The following NECTIN3 variants were observed in gnomAD, a reference collection of about 807,000 sequenced individuals.
The protein encoded by NECTIN3 is nectin-3.
A neutral mutation model predicts 49.4 loss-of-function variants in NECTIN3; 8 were observed. That is an observed-to-expected ratio of 0.16 (90% confidence interval 0.10 to 0.29). The LOEUF (loss-of-function observed/expected upper bound fraction) is 0.29. NECTIN3 is among the 10% of genes least tolerant of loss of function. NECTIN3 has a pLI of 1.00. For missense variants in NECTIN3, 581 were observed against 654.6 expected (o/e 0.89, Z 1.23); for synonymous variants, 277 against 241.1 (o/e 1.15, Z -1.38).
chr3:111,085,828 C>A (rs145774781), intron 1 of NECTIN3, among the ~76,000 whole-genome samples: 70 of 152,028 alleles, frequency 4.6e-4, no homozygotes, highest in African/African-American at 1.7e-3. Context: ...CTGCTGTGAA[C>A]ATCATCGTGC....
At chr3:111,080,039 G>T (rs72935984) in intron 1 of NECTIN3, among the ~76,000 whole-genome samples, 5,943 of 151,948 alleles carry the variant, frequency 0.039, 391 homozygotes, top group African/African-American at 0.13. Context: ...TTTTAAACTG[G>T]TATAGACCCT....
chr3:111,086,177 A>T (rs559325119), intron 1 of NECTIN3, among the ~76,000 whole-genome samples: 7 of 152,068 alleles, frequency 4.6e-5, no homozygotes, highest in African/African-American at 1.4e-4. Context: ...GGAATTGTTT[A>T]TATTTGCTAA....
chr3:111,139,535 A>AT (rs1353914918), downstream of NECTIN3, among the ~76,000 whole-genome samples: 2 of 151,752 alleles, frequency 1.3e-5, no homozygotes, highest in East Asian at 3.9e-4. Context: ...AAGTGGTGCT[A>AT]TGTCTTTCCA....
intron 1 of NECTIN3, among the ~76,000 whole-genome samples, chr3:111,107,994 GAGT>G (rs1376969924): frequency 1.5e-4 from 23 of 152,224 alleles, no homozygotes; most frequent in Middle Eastern, 6.8e-3. Context: ...AATACTAGAA[GAGT>G]AGTACAACGC....
chr3:111,158,640 A>G (rs2035147014), intron 7 of NECTIN3, among the ~76,000 whole-genome samples: 1 of 152,152 alleles, frequency 6.6e-6, no homozygotes, highest in South Asian at 2.1e-4. Context: ...TCCCATTGAG[A>G]TATGAACTGC....
intron 7 of NECTIN3, among the ~76,000 whole-genome samples, chr3:111,170,330 G>T (rs771076054): frequency 2.6e-5 from 4 of 152,140 alleles, no homozygotes; most frequent in Non-Finnish European, 5.9e-5. Context: ...GGTAGGCATT[G>T]TTACAAGCAC....
intron 1 of NECTIN3, among the ~76,000 whole-genome samples, chr3:111,104,501 G>A (rs779459690): frequency 3.0e-4 from 45 of 151,420 alleles, no homozygotes; most frequent in Middle Eastern, 6.8e-3. Context: ...TTTATTTTTC[G>A]TAGAGATGGG....
At chr3:111,101,342 T>C (rs1172734475) in intron 1 of NECTIN3, among the ~76,000 whole-genome samples, 1 of 152,156 alleles carries the variant, frequency 6.6e-6, no homozygotes, top group Non-Finnish European at 1.5e-5. Context: ...AGCCTGAAAT[T>C]GCTACTTAAA....
At chr3:111,170,846 G>T (rs1452271324) in intron 7 of NECTIN3, among the ~76,000 whole-genome samples, 1 of 152,100 alleles carries the variant, frequency 6.6e-6, no homozygotes, top group Admixed American at 6.6e-5. Flanking sequence ...ATGAGGAAGT[G>T]GACAGATGGG....
chr3:111,175,328 G>A (rs374242949), intron 7 of NECTIN3, among the ~76,000 whole-genome samples: 23 of 151,676 alleles, frequency 1.5e-4, no homozygotes, highest in Non-Finnish European at 2.1e-4. Flanking sequence ...ATTTAGGGCC[G>A]CTGGTCTCCA....
At chr3:111,181,092 T>TCCACCATCAGTATCACCACTACCA (rs2035619881) in intron 7 of NECTIN3, among the ~76,000 whole-genome samples, 1 of 152,148 alleles carries the variant, frequency 6.6e-6, no homozygotes, top group Admixed American at 6.5e-5. Context: ...ATGTATACCC[T>TCCACCATCAGTATCACCACTACCA]CCACCATCAG....
At chr3:111,183,728 A>G (rs768292822) in intron 7 of NECTIN3, among the ~76,000 whole-genome samples, 1 of 151,932 alleles carries the variant, frequency 6.6e-6, no homozygotes. Context: ...GAAGCCAGTG[A>G]TAATGCTTTA....
At chr3:111,154,877 C>G (rs1397858630) in intron 7 of NECTIN3, among the ~76,000 whole-genome samples, 3 of 152,174 alleles carry the variant, frequency 2.0e-5, no homozygotes, top group East Asian at 3.9e-4. Flanking sequence ...ATTTTAGATA[C>G]AAGTCCTTTG....
upstream of NECTIN3, among the ~76,000 whole-genome samples, chr3:111,188,684 A>G (rs1056772640): frequency 1.3e-5 from 2 of 152,220 alleles, no homozygotes; most frequent in Admixed American, 1.3e-4. Flanking sequence ...GTTCCCAAAT[A>G]CTATTAACTT....
intron 7 of NECTIN3, among the ~76,000 whole-genome samples, chr3:111,170,245 C>T (rs190213656): frequency 5.5e-4 from 84 of 152,106 alleles, no homozygotes; most frequent in Non-Finnish European, 9.9e-4. Flanking sequence ...ATTAGGTTGG[C>T]GATAAAAAGT....
chr3:111,164,574 G>A (rs1053089468), intron 7 of NECTIN3, among the ~76,000 whole-genome samples: 1 of 152,150 alleles, frequency 6.6e-6, no homozygotes, highest in Non-Finnish European at 1.5e-5. Context: ...CCCAAATCAA[G>A]GTGTTGGCAA....
rs973070624 is a variant in NECTIN3, at chr3:111,118,809, C to A, written c.656C>A (p.Ser219Tyr). Residue 219 changes from serine to tyrosine, a missense_variant, in exon 3 of 6, where the codon TCT (serine) becomes TAT (tyrosine). Ser to Tyr is a moderately radical substitution (Grantham distance 144). This residue lies in a region of NECTIN3 where 234 missense variants were observed against 340.6 expected (regional missense o/e 0.69). Coordinates refer to ENST00000485303, the MANE Select transcript of NECTIN3 (RefSeq NM_015480.3). ...DLGEMESTTT[S>Y]FPNETATIIS... is the part of the protein sequence containing the mutation. ...GGTGAAATGGAATCCACTACAACTT[C>A]TTTTCCAAATGAAACGGCAACGATT... The A allele has an allele frequency of 3.7e-6, 6 of 1,613,958 alleles. No individual in the cohort carries two copies. Among genetic ancestry groups the A allele is most frequent in the Non-Finnish European group, 5.1e-6 (6 of 1,180,030 alleles).
chr3:111,181,301 T>C (rs911238826), intron 7 of NECTIN3, among the ~76,000 whole-genome samples: 1 of 152,234 alleles, frequency 6.6e-6, no homozygotes, highest in African/African-American at 2.4e-5. Context: ...GAATAAACTT[T>C]GTTTTATTGC....
At chr3:111,166,981 T>TA (rs2035330624) in intron 7 of NECTIN3, among the ~76,000 whole-genome samples, 1 of 152,188 alleles carries the variant, frequency 6.6e-6, no homozygotes, top group Non-Finnish European at 1.5e-5. Flanking sequence ...TAAATGTAGG[T>TA]GATTCACCCA....
Sources: gnomAD v4.1 joint callset for allele counts (sites outside exome capture counted in the v4.1 genomes callset) on GRCh38, gnomAD v4.1.1 for gene constraint, gnomAD v4.1.1 regional missense constraint, MANE v1.5 for transcripts, NCBI Gene and HGNC (gene_info 2026-07-23, HGNC 2026-07-21) for gene names.